SLC67A1: variants seen among roughly 807,000 people sequenced by gnomAD.
The protein encoded by SLC67A1 is solute carrier family 67 member 1.
the SLC67A1 span, among the ~76,000 whole-genome samples, chr11:2,911,792 G>A: frequency 6.6e-6 from 1 of 152,098 alleles, no homozygotes; most frequent in Admixed American, 6.5e-5. Flanking sequence ...CCGTCTACGA[G>A]GCCACAGGTC....
the SLC67A1 span, chr11:2,903,394 A>G: frequency 6.2e-7 from 1 of 1,613,046 alleles, no homozygotes; most frequent in African/African-American, 1.3e-5. Flanking sequence ...CCCCGGCAGG[A>G]TGAGCGCTCT....
chr11:2,921,913 G>A, the SLC67A1 span: 8 of 623,372 alleles, frequency 1.3e-5, no homozygotes, highest in Non-Finnish European at 2.3e-5. Flanking sequence ...GACCCATCCT[G>A]ACGCAGTCAC....
At chr11:2,917,947 G>A in the SLC67A1 span, 36 of 1,527,292 alleles carry the variant, frequency 2.4e-5, no homozygotes, top group Non-Finnish European at 3.1e-5. Context: ...TGGGCATTGG[G>A]ACAATGGCCT....
At chr11:2,917,906 C>T in the SLC67A1 span, 51 of 1,126,428 alleles carry the variant, frequency 4.5e-5, no homozygotes, top group Middle Eastern at 2.6e-4. Flanking sequence ...CAGGGCCCTC[C>T]GAATGGCGAG....
At chr11:2,907,004 C>T in the SLC67A1 span, among the ~76,000 whole-genome samples, 22 of 151,696 alleles carry the variant, frequency 1.5e-4, no homozygotes, top group African/African-American at 5.3e-4. This position sits in a 1 kb window ranked among gnomAD's most constrained non-coding sequence, Gnocchi z 6.7. Flanking sequence ...AGCTCACAAA[C>T]AAAGGAGAGA....
chr11:2,908,524 C>T, the SLC67A1 span, among the ~76,000 whole-genome samples: 1 of 152,340 alleles, frequency 6.6e-6, no homozygotes, highest in African/African-American at 2.4e-5. Flanking sequence ...CCCACCCACG[C>T]CTTCCACTAC....
chr11:2,903,619 C>A, the SLC67A1 span: 3 of 951,246 alleles, frequency 3.2e-6, no homozygotes, highest in Non-Finnish European at 4.6e-6. Flanking sequence ...CCAGTTGGGA[C>A]TCATGCCACG....
the SLC67A1 span, among the ~76,000 whole-genome samples, chr11:2,910,111 C>T: frequency 6.6e-6 from 1 of 152,326 alleles, no homozygotes; most frequent in South Asian, 2.1e-4. Context: ...ACACCTCCCT[C>T]TCCGGAGGTC....
chr11:2,914,315 AG>A, the SLC67A1 span, among the ~76,000 whole-genome samples: 275 of 152,184 alleles, frequency 1.8e-3, no homozygotes, highest in African/African-American at 6.3e-3. Flanking sequence ...GGTGAGGTTG[AG>A]GGGGGCTGAG....
the SLC67A1 span, chr11:2,909,254 G>A: frequency 1.3e-6 from 2 of 1,538,528 alleles, no homozygotes; most frequent in Non-Finnish European, 1.7e-6. Context: ...GGCTGCCTTG[G>A]CGCTCTACCT....
At chr11:2,915,266 T>C in the SLC67A1 span, 7 of 980,784 alleles carry the variant, frequency 7.1e-6, no homozygotes, top group African/African-American at 1.2e-4. Flanking sequence ...GGTAAGTGTG[T>C]GTACAAGTTT....
At chr11:2,901,793 C>A in the SLC67A1 span, among the ~76,000 whole-genome samples, 4 of 152,200 alleles carry the variant, frequency 2.6e-5, no homozygotes, top group African/African-American at 9.6e-5. Context: ...GGTCACTCTT[C>A]TGGGGCTCTG....
chr11:2,915,539 A>C, the SLC67A1 span, among the ~76,000 whole-genome samples: 1 of 152,178 alleles, frequency 6.6e-6, no homozygotes, highest in African/African-American at 2.4e-5. Context: ...TCATCTAATG[A>C]TCACTGCGGT....
the SLC67A1 span, among the ~76,000 whole-genome samples, chr11:2,913,924 C>T: frequency 6.6e-6 from 1 of 152,202 alleles, no homozygotes; most frequent in Non-Finnish European, 1.5e-5. Context: ...CCACGCCCTG[C>T]TATCTGGGCA....
At chr11:2,908,120 C>T in the SLC67A1 span, 1 of 695,850 alleles carries the variant, frequency 1.4e-6, no homozygotes. Flanking sequence ...ACTGTGCAGT[C>T]AACAGAACCC....
At chr11:2,905,270 G>A in the SLC67A1 span, among the ~76,000 whole-genome samples, 1 of 152,136 alleles carries the variant, frequency 6.6e-6, no homozygotes, top group East Asian at 1.9e-4. Flanking sequence ...TGGTGATGGA[G>A]GAGGGGCAAA....
At chr11:2,913,292 C>T in the SLC67A1 span, among the ~76,000 whole-genome samples, 2 of 152,204 alleles carry the variant, frequency 1.3e-5, no homozygotes, top group Non-Finnish European at 2.9e-5. Flanking sequence ...GGGCAGGCAG[C>T]AGGCCCCGCT....
At chr11:2,903,336 C>T in the SLC67A1 span, 1 of 1,612,002 alleles carries the variant, frequency 6.2e-7, no homozygotes, top group Non-Finnish European at 8.5e-7. Context: ...CCCTGCTGCG[C>T]CTGTCCAGGA....
the SLC67A1 span, among the ~76,000 whole-genome samples, chr11:2,910,538 G>A: frequency 6.6e-6 from 1 of 152,134 alleles, no homozygotes; most frequent in Admixed American, 6.5e-5. Flanking sequence ...TGTGGCTGGA[G>A]GGAGGAAGAA....
Sources: allele counts gnomAD v4.1 joint callset (sites outside exome capture counted in the v4.1 genomes callset), GRCh38; gene constraint gnomAD v4.1.1; non-coding constraint Gnocchi (gnomAD v3.1); transcripts MANE v1.5; gene names NCBI Gene and HGNC (gene_info 2026-07-23, HGNC 2026-07-21).